Variants in PDXDC1 observed in about 807,000 individuals in gnomAD.
PDXDC1 encodes pyridoxal-dependent decarboxylase domain-containing protein 1.
PDXDC1 carries 42 observed loss-of-function variants against 100.1 expected under a neutral mutation model. The ratio of observed to expected loss-of-function variants is 0.42; its 90% CI spans 0.33 to 0.54. The LOEUF (loss-of-function observed/expected upper bound fraction) is 0.54. Ranked by LOEUF, PDXDC1 falls within the 20% of genes least tolerant of loss-of-function variation. The pLI is 0.10. For synonymous variants in PDXDC1, 260 were observed against 371.7 expected (o/e 0.70, Z 3.46); for missense variants, 636 against 979.2 (o/e 0.65, Z 4.68).
In PDXDC1 at chr16:15,038,310, T is replaced by TAATAA; in HGVS notation, c.*2040_*2044dup. The TAATAA allele has an allele frequency of 1.2e-6, 1 of 849,990 alleles. No homozygotes were observed. Among genetic ancestry groups the TAATAA allele is most frequent in the Admixed American group, 2.8e-5 (1 of 35,230 alleles). 52.7% of individuals were successfully genotyped at this position (849,990 alleles called of 1,614,324 possible). On this transcript the variant is annotated 3_prime_UTR_variant, in exon 23 of 23. Transcript: ENST00000396410. ...CTTTGTTCTTGGACACAAATATATA[T>TAATAA]AATAAAATACGTTAAGAAATGAGGT...
At chr16:15,101,985 A>G (rs2046567828) in intron 16 of PDXDC1, among the ~76,000 whole-genome samples, 1 of 152,022 alleles carries the variant, frequency 6.6e-6, no homozygotes, top group South Asian at 2.1e-4. Flanking sequence ...AGTAGCTGGG[A>G]TTACAGGTGC....
At chr16:15,120,994 G>C (rs1343788357) in intron 16 of PDXDC1, among the ~76,000 whole-genome samples, 1 of 111,902 alleles carries the variant, frequency 8.9e-6, no homozygotes, top group African/African-American at 4.2e-5. Flanking sequence ...AAATTACCGA[G>C]GTGGAGATCA....
intron 16 of PDXDC1, among the ~76,000 whole-genome samples, chr16:15,066,435 C>A (rs950290859): frequency 1.3e-5 from 2 of 152,024 alleles, no homozygotes; most frequent in Non-Finnish European, 1.5e-5. Flanking sequence ...GAGTTTGAGA[C>A]CAGCCTGGTC....
intron 16 of PDXDC1, among the ~76,000 whole-genome samples, chr16:15,065,018 T>G (rs1187000982): frequency 6.6e-6 from 1 of 151,912 alleles, no homozygotes; most frequent in South Asian, 2.1e-4. Flanking sequence ...TACAAAAAAT[T>G]AGCCAGGCGT....
At chr16:15,035,911 C>T in intron 22 of PDXDC1, 105 bp from the exon 23 acceptor site, 1 of 1,235,948 alleles carries the variant, frequency 8.1e-7, no homozygotes, top group South Asian at 1.4e-5. Flanking sequence ...AAGGTTTCTG[C>T]TGAAGCTGTG....
intron 16 of PDXDC1, chr16:15,060,198 C>T (rs920654078): frequency 4.9e-6 from 2 of 404,438 alleles, no homozygotes; most frequent in Non-Finnish European, 9.8e-6. Flanking sequence ...ACAAAGACCC[C>T]ACTTACTACT....
intron 16 of PDXDC1, chr16:15,104,547 G>A (rs1414033830): frequency 3.3e-5 from 52 of 1,583,228 alleles, no homozygotes; most frequent in Non-Finnish European, 4.1e-5. Flanking sequence ...GACACTCGGA[G>A]GTGTCTTGAG....
intron 1 of PDXDC1, chr16:14,975,597 A>G (rs958527073): frequency 2.0e-6 from 2 of 985,264 alleles, no homozygotes; most frequent in African/African-American, 3.5e-5. Flanking sequence ...GCTCCCGGAA[A>G]GAAGCCGCAG....
intron 16 of PDXDC1, among the ~76,000 whole-genome samples, chr16:15,030,342 C>T (rs1364683428): frequency 9.2e-5 from 14 of 152,142 alleles, no homozygotes; most frequent in African/African-American, 1.9e-4. Flanking sequence ...GTCAGGAGTT[C>T]GAGACCAGCC....
chr16:15,056,933 C>T (rs1486218640), intron 16 of PDXDC1, among the ~76,000 whole-genome samples: 2 of 152,070 alleles, frequency 1.3e-5, no homozygotes, highest in Admixed American at 6.6e-5. Context: ...GAAGGATTTG[C>T]GGATACTGAC....
At position 14,980,819 on chromosome 16, in the gene PDXDC1, C is replaced by T. The variant is rs1202008166; in HGVS notation, c.21+5599C>T. The stretch of plus-strand genomic sequence containing the variant: ...TTCGCCATGTTGGCCAGGCTGGTCT[C>T]CAACTCCTGACCTCAAGTAATCTGC... On this transcript the variant is annotated intron_variant, in intron 1 of 22. Coordinates refer to ENST00000396410, the MANE Select transcript of PDXDC1 (RefSeq NM_015027.4). Among the ~76,000 whole-genome samples, 3 of 152,398 alleles carry T rather than the reference C, an allele frequency of 2.0e-5. No individual in the cohort carries two copies. The South Asian group carries it at 6.2e-4, about 32-fold the overall frequency.
At chr16:15,101,740 T>C (rs545483616) in intron 16 of PDXDC1, among the ~76,000 whole-genome samples, 9 of 147,824 alleles carry the variant, frequency 6.1e-5, no homozygotes, top group East Asian at 2.0e-4. Flanking sequence ...GGCACAATCA[T>C]AGTGGCTCAC....
chr16:14,991,038 G>A (rs1360006477), intron 1 of PDXDC1, among the ~76,000 whole-genome samples: 4 of 152,380 alleles, frequency 2.6e-5, no homozygotes, highest in Middle Eastern at 3.4e-3. Flanking sequence ...CACTGCGCCC[G>A]GCCAGCAAGA....
At chr16:15,109,980 C>G (rs1338283070) in intron 16 of PDXDC1, among the ~76,000 whole-genome samples, 1 of 145,336 alleles carries the variant, frequency 6.9e-6, no homozygotes, top group Non-Finnish European at 1.5e-5. Context: ...ATGGTGAAAC[C>G]CCATCTCTAG....
At chr16:15,102,039 G>C (rs1329650438) in intron 16 of PDXDC1, among the ~76,000 whole-genome samples, 2 of 152,072 alleles carry the variant, frequency 1.3e-5, no homozygotes, top group South Asian at 2.1e-4. Flanking sequence ...GTAGAGACAG[G>C]GTTTCGCCAT....
intron 4 of PDXDC1, among the ~76,000 whole-genome samples, chr16:15,003,731 C>T (rs1180340070): frequency 6.6e-6 from 1 of 152,194 alleles, no homozygotes; most frequent in Non-Finnish European, 1.5e-5. Context: ...GCCTGTAATC[C>T]CAGCACTTTG....
rs532274255 is a variant in PDXDC1 at position 15,075,928 on chromosome 16, C to T, written c.1399+45872C>T. On this transcript the variant is annotated intron_variant, in intron 16 of 16. Transcript: ENST00000535621. ...CAGAAAGGAGCCAGGACCACCCTTG[C>T]ACTCTTTCCAGCCCCTCCCCCTTAG... 5.3e-5 allele frequency among the ~76,000 whole-genome samples: 8 copies of T among 152,296 alleles called. No individual in the cohort carries two copies. In the South Asian group the frequency reaches 1.4e-3, roughly 28 times the overall value.
intron 4 of PDXDC1, among the ~76,000 whole-genome samples, chr16:15,002,564 T>C (rs1027762632): frequency 6.6e-6 from 1 of 152,298 alleles, no homozygotes; most frequent in African/African-American, 2.4e-5. Context: ...TTTATTTTAT[T>C]GGTCCCCTGT....
chr16:15,063,662 G>A lies in PDXDC1; in HGVS notation c.1399+33606G>A, dbSNP rs1329774178. Among the ~76,000 whole-genome samples, 9 of 130,612 alleles carry A rather than the reference G, an allele frequency of 6.9e-5. No homozygotes were observed. The Admixed American group carries it at 7.6e-4, about 11-fold the overall frequency. 85.7% of individuals were successfully genotyped at this position (130,612 alleles called of 152,430 possible). On this transcript the variant is annotated intron_variant, in intron 16 of 16. Coordinates refer to the PDXDC1 transcript ENST00000535621. ...GGAGCTTGCAGCGAGCCGAGATCGC[G>A]CCACTGCACTCCAGCCTGGGAGACA...
Sources: allele counts gnomAD v4.1 joint callset (sites outside exome capture counted in the v4.1 genomes callset), GRCh38; gene constraint gnomAD v4.1.1; transcripts MANE v1.5; gene names NCBI Gene and HGNC (gene_info 2026-07-23, HGNC 2026-07-21).